Variants in ROBO1 observed in about 807,000 individuals in gnomAD.
ROBO1 encodes roundabout homolog 1.
In ROBO1, 149 loss-of-function variants were observed where a neutral mutation model predicts 195.9. That is an observed-to-expected ratio of 0.76 (90% CI 0.67 to 0.87). The LOEUF is 0.87. Ranked by LOEUF, ROBO1 falls within the 40% of genes least tolerant of loss-of-function variation. The pLI, the probability that ROBO1 is intolerant of heterozygous loss-of-function variation, is 0.00. For synonymous variants in ROBO1, 816 were observed against 733.2 expected, an observed-to-expected ratio of 1.11 and a Z score of -1.82; for missense variants, 1,933 against 2,068.3, an observed-to-expected ratio of 0.93 and a Z score of 1.27.
intron 1 of ROBO1, among the ~76,000 whole-genome samples, chr3:79,638,009 T>C (rs1161544073): frequency 6.6e-6 from 1 of 152,104 alleles, no homozygotes; most frequent in African/African-American, 2.4e-5. Context: ...AGGAAGGAAA[T>C]TACCCTTAGT....
At chr3:79,173,620 C>G (rs115070208) in intron 2 of ROBO1, among the ~76,000 whole-genome samples, 13,416 of 152,124 alleles carry the variant, frequency 0.088, 1,015 homozygotes, top group African/African-American at 0.2. Context: ...TCCATGGGCT[C>G]CGGCTCAGCC....
chr3:79,685,192 C>T (rs1947064546), intron 1 of ROBO1, among the ~76,000 whole-genome samples: 1 of 152,124 alleles, frequency 6.6e-6, no homozygotes, highest in Non-Finnish European at 1.5e-5. Context: ...CAGAAATTTC[C>T]TTAATGCCAT....
intron 3 of ROBO1, among the ~76,000 whole-genome samples, chr3:78,988,168 C>T (rs1052200269): frequency 1.3e-5 from 2 of 152,044 alleles, no homozygotes; most frequent in Non-Finnish European, 2.9e-5. Context: ...CTTGAGTGGA[C>T]TTTAAAATCT....
chr3:79,477,431 T>A (rs1938601279), intron 2 of ROBO1, among the ~76,000 whole-genome samples: 1 of 152,198 alleles, frequency 6.6e-6, no homozygotes, highest in African/African-American at 2.4e-5. Context: ...TGAGGATTTA[T>A]GAGGGTAAAC....
intron 4 of ROBO1, among the ~76,000 whole-genome samples, chr3:78,771,914 A>G (rs2083385801): frequency 6.6e-6 from 1 of 152,076 alleles, no homozygotes; most frequent in African/African-American, 2.4e-5. Flanking sequence ...TTAAATTTCA[A>G]TAGCCATATT....
At chr3:79,334,336 A>ATATATATG (rs1170505829) in intron 2 of ROBO1, among the ~76,000 whole-genome samples, 18 of 134,482 alleles carry the variant, frequency 1.3e-4, no homozygotes, top group African/African-American at 4.4e-4. Context: ...ATATATGTGT[A>ATATATATG]TATATATGTA....
At chr3:78,985,772 T>G (rs1038267818) in intron 3 of ROBO1, among the ~76,000 whole-genome samples, 6 of 152,152 alleles carry the variant, frequency 3.9e-5, no homozygotes, top group African/African-American at 1.4e-4. Flanking sequence ...TAATTTTTAT[T>G]TATACAGAGC....
chr3:78,796,875 T>C (rs1431903572), intron 4 of ROBO1, among the ~76,000 whole-genome samples: 1 of 152,158 alleles, frequency 6.6e-6, no homozygotes, highest in Non-Finnish European at 1.5e-5. Flanking sequence ...CCAAATGGCT[T>C]TTCATCTCCT....
At chr3:79,437,081 A>G (rs2038913411) in intron 2 of ROBO1, among the ~76,000 whole-genome samples, 1 of 152,046 alleles carries the variant, frequency 6.6e-6, no homozygotes, top group African/African-American at 2.4e-5. Flanking sequence ...TTAATCTCTA[A>G]ATCATAACAT....
intron 4 of ROBO1, among the ~76,000 whole-genome samples, chr3:78,824,684 A>G (rs904258484): frequency 7.2e-5 from 11 of 152,224 alleles, no homozygotes; most frequent in Non-Finnish European, 1.0e-4. Flanking sequence ...TTTAGAATCT[A>G]TAAAAGAAGA....
At chr3:79,721,374 A>T (rs924718043) in intron 1 of ROBO1, among the ~76,000 whole-genome samples, 1 of 152,004 alleles carries the variant, frequency 6.6e-6, no homozygotes, top group African/African-American at 2.4e-5. Flanking sequence ...TAAAAAAACT[A>T]AAAAAAAGTA....
At chr3:79,423,412 T>C (rs961201737) in intron 2 of ROBO1, among the ~76,000 whole-genome samples, 11 of 152,146 alleles carry the variant, frequency 7.2e-5, no homozygotes, top group African/African-American at 2.7e-4. Context: ...AGTAATGACA[T>C]GTTAAATTGT....
rs1455142983 is a variant in ROBO1, at chr3:79,333,057, GC to G, written c.89-207519del. On this transcript the variant is annotated intron_variant, in intron 2 of 30. Transcript: ENST00000464233. ...TCTCTGCTGAAAATACAAAAAATTA[GC>G]CAGGGGGGGTAGCATGCGCCTGTAG... 2.6e-5 allele frequency among the ~76,000 whole-genome samples: 4 copies of G among 151,966 alleles called. No homozygotes were observed. The East Asian group carries it at 7.8e-4, about 30-fold the overall frequency.
At chr3:79,349,520 C>T (rs2035260594) in intron 2 of ROBO1, among the ~76,000 whole-genome samples, 1 of 152,138 alleles carries the variant, frequency 6.6e-6, no homozygotes, top group Admixed American at 6.5e-5. Context: ...AATTAAAACA[C>T]TCTTGCAAAG....
chr3:78,743,728 C>G (rs191797422), intron 5 of ROBO1, among the ~76,000 whole-genome samples: 3 of 152,300 alleles, frequency 2.0e-5, no homozygotes, highest in Admixed American at 2.0e-4. Flanking sequence ...CTCAGGCTCT[C>G]AGGGTGTCTT....
intron 2 of ROBO1, among the ~76,000 whole-genome samples, chr3:79,228,964 T>G (rs998625080): frequency 1.4e-4 from 22 of 152,184 alleles, no homozygotes; most frequent in African/African-American, 5.1e-4. Flanking sequence ...TTTCTTAAAG[T>G]ATTTTAACAA....
chr3:79,254,869 CT>C (rs1328114545), intron 2 of ROBO1, among the ~76,000 whole-genome samples: 1 of 152,100 alleles, frequency 6.6e-6, no homozygotes, highest in East Asian at 1.9e-4. Flanking sequence ...ATTCTGGTAA[CT>C]TTATAAATGT....
At chr3:79,020,489 C>T (rs1038114636) in intron 3 of ROBO1, among the ~76,000 whole-genome samples, 2 of 152,056 alleles carry the variant, frequency 1.3e-5, no homozygotes, top group Non-Finnish European at 1.5e-5. Flanking sequence ...GTCTGGAGTT[C>T]GAGACCAGCC....
At chr3:78,844,953 A>T (rs1165917180) in intron 4 of ROBO1, among the ~76,000 whole-genome samples, 2 of 152,102 alleles carry the variant, frequency 1.3e-5, no homozygotes, top group African/African-American at 4.8e-5. Context: ...ACATATGTCT[A>T]TAACTAAGGT....
Sources: gnomAD v4.1 joint callset for allele counts (sites outside exome capture counted in the v4.1 genomes callset) on GRCh38, gnomAD v4.1.1 for gene constraint, MANE v1.5 for transcripts, NCBI Gene and HGNC (gene_info 2026-07-23, HGNC 2026-07-21) for gene names.